KCTD8: variants seen among roughly 807,000 people sequenced by gnomAD.
The protein encoded by KCTD8 is BTB/POZ domain-containing protein KCTD8.
A neutral mutation model predicts 31.5 loss-of-function variants in KCTD8; 27 were observed. That is an observed-to-expected ratio of 0.86 (90% confidence interval 0.63 to 1.18). KCTD8 has a LOEUF of 1.18. Among genes scored for constraint, KCTD8 ranks in the 50% most tolerant of loss-of-function variants. The pLI is 0.00. For synonymous variants in KCTD8, 290 were observed against 280.0 expected, an observed-to-expected ratio of 1.04 and a Z score of -0.36; for missense variants, 658 against 647.7, an observed-to-expected ratio of 1.02 and a Z score of -0.17.
At chr4:44,339,334 A>G (rs780349442) in intron 1 of KCTD8, among the ~76,000 whole-genome samples, 1 of 152,122 alleles carries the variant, frequency 6.6e-6, no homozygotes, top group African/African-American at 2.4e-5. Context: ...TTCCAAACAT[A>G]CTGAGAGCAG....
chr4:44,322,659 G>C (rs528853066), intron 1 of KCTD8, among the ~76,000 whole-genome samples: 69 of 151,946 alleles, frequency 4.5e-4, no homozygotes, highest in Non-Finnish European at 9.0e-4. Context: ...AAAAATCTTT[G>C]CCCAGGCCAA....
intron 1 of KCTD8, among the ~76,000 whole-genome samples, chr4:44,176,188 G>A (rs1235911640): frequency 2.0e-5 from 3 of 152,170 alleles, no homozygotes; most frequent in South Asian, 4.1e-4. Flanking sequence ...TTTTCTTAGA[G>A]TCAAACTTTT....
At chr4:44,301,997 T>C (rs1164819582) in intron 1 of KCTD8, among the ~76,000 whole-genome samples, 1 of 152,182 alleles carries the variant, frequency 6.6e-6, no homozygotes, top group Non-Finnish European at 1.5e-5. Flanking sequence ...TTGCTTGTTT[T>C]GCTCAGCTTT....
chr4:44,368,538 C>A (rs1463399993), intron 1 of KCTD8, among the ~76,000 whole-genome samples: 1 of 152,072 alleles, frequency 6.6e-6, no homozygotes, highest in Admixed American at 6.6e-5. Context: ...TATGAAGAAC[C>A]CTTACAAATG....
At chr4:44,416,985 TCA>T (rs1721090937) in intron 1 of KCTD8, among the ~76,000 whole-genome samples, 1 of 152,200 alleles carries the variant, frequency 6.6e-6, no homozygotes, top group Non-Finnish European at 1.5e-5. Flanking sequence ...ACTTTTACAG[TCA>T]CAATCTTTTT....
rs760060899 is a variant in KCTD8 at position 44,317,228 on chromosome 4, C to CTTTTTTTTTTTTTTTTTTTTTTTTTTTT, written c.961+130334_961+130335insAAAAAAAAAAAAAAAAAAAAAAAAAAAA. Among the ~76,000 whole-genome samples the CTTTTTTTTTTTTTTTTTTTTTTTTTTTT allele has an allele frequency of 3.3e-4, 12 of 36,536 alleles. 3 individuals are homozygous for CTTTTTTTTTTTTTTTTTTTTTTTTTTTT. The highest frequency in any genetic ancestry group is 4.9e-4 in the Admixed American group (1 of 2,038). The allele number at this position is 36,536 out of a possible 152,430, so 24.0% of individuals were successfully genotyped here. On this transcript the variant is annotated intron_variant, in intron 1 of 1. Coordinates refer to ENST00000360029, the MANE Select transcript of KCTD8 (RefSeq NM_198353.3). ...TTTATGTATTGCCTATGGGTGCTTT[C>CTTTTTTTTTTTTTTTTTTTTTTTTTTTT]TTTTTTTTTTTTTTTTTTTTTTGAG...
intron 1 of KCTD8, among the ~76,000 whole-genome samples, chr4:44,415,707 T>C (rs985001673): frequency 2.0e-5 from 3 of 152,216 alleles, no homozygotes; most frequent in Non-Finnish European, 4.4e-5. Flanking sequence ...TTCTACTCGG[T>C]GTTAAGCCTG....
intron 1 of KCTD8, among the ~76,000 whole-genome samples, chr4:44,348,806 T>C (rs566012531): frequency 6.6e-6 from 1 of 152,230 alleles, no homozygotes; most frequent in South Asian, 2.1e-4. Flanking sequence ...CTTGCTGTGT[T>C]CACCCTCCTT....
At chr4:44,436,115 C>T (rs1721637772) in intron 1 of KCTD8, among the ~76,000 whole-genome samples, 1 of 152,096 alleles carries the variant, frequency 6.6e-6, no homozygotes, top group Non-Finnish European at 1.5e-5. Flanking sequence ...ACACCACTCA[C>T]ATCAACTGAT....
intron 1 of KCTD8, among the ~76,000 whole-genome samples, chr4:44,395,949 C>T (rs537874249): frequency 1.8e-4 from 27 of 152,182 alleles, no homozygotes; most frequent in African/African-American, 6.3e-4. Context: ...GATTCAAGTA[C>T]ATTAATTGTA....
At chr4:44,346,452 A>G (rs1050128744) in intron 1 of KCTD8, among the ~76,000 whole-genome samples, 3 of 152,174 alleles carry the variant, frequency 2.0e-5, no homozygotes, top group African/African-American at 7.2e-5. Context: ...TCTCATAGAC[A>G]TTCCTTATAT....
At chr4:44,418,782 G>C (rs1721140503) in intron 1 of KCTD8, among the ~76,000 whole-genome samples, 1 of 152,112 alleles carries the variant, frequency 6.6e-6, no homozygotes, top group African/African-American at 2.4e-5. Flanking sequence ...GGTAAAAACA[G>C]ATACTATGCA....
chr4:44,343,532 C>A (rs1446265331), intron 1 of KCTD8, among the ~76,000 whole-genome samples: 1 of 151,988 alleles, frequency 6.6e-6, no homozygotes, highest in Admixed American at 6.6e-5. Flanking sequence ...GAAGTGAGCA[C>A]CTGCTGTCTG....
At chr4:44,275,870 C>T (rs901964059) in intron 1 of KCTD8, among the ~76,000 whole-genome samples, 4 of 151,946 alleles carry the variant, frequency 2.6e-5, no homozygotes, top group African/African-American at 9.7e-5. Context: ...AATGATGCTG[C>T]CACGTAAAGC....
intron 1 of KCTD8, among the ~76,000 whole-genome samples, chr4:44,248,965 C>A (rs1715748310): frequency 6.6e-6 from 1 of 151,802 alleles, no homozygotes; most frequent in Non-Finnish European, 1.5e-5. Flanking sequence ...CTTCCTAATT[C>A]ACTATCCTCT....
intron 1 of KCTD8, among the ~76,000 whole-genome samples, chr4:44,201,902 G>A (rs1371932930): frequency 6.6e-6 from 1 of 152,094 alleles, no homozygotes; most frequent in African/African-American, 2.4e-5. Flanking sequence ...TCTGACAGAA[G>A]TCTAAAGTCC....
Position 44,272,119 on chromosome 4 carries a change from T to TA in KCTD8, c.962-96870dup, listed in dbSNP as rs1482654300. Among the ~76,000 whole-genome samples, 247 of 113,856 alleles carry TA rather than the reference T, an allele frequency of 2.2e-3. 2 individuals are homozygous for TA. Among genetic ancestry groups the TA allele is most frequent in the African/African-American group, 0.012 (239 of 19,290 alleles). 74.7% of individuals were successfully genotyped at this position (113,856 alleles called of 152,430 possible). On this transcript the variant is annotated intron_variant, in intron 1 of 1. Coordinates refer to ENST00000360029, the MANE Select transcript of KCTD8 (RefSeq NM_198353.3). ...CCATCAATAAATACCCATGGTATTA[T>TA]ATTATATATATATATATATATAAAT...
chr4:44,370,795 A>T, intron 1 of KCTD8, among the ~76,000 whole-genome samples: 1 of 152,146 alleles, frequency 6.6e-6, no homozygotes, highest in East Asian at 1.9e-4. Context: ...TTCCAGCCTC[A>T]ATTCCTAGAA....
chr4:44,263,980 C>T (rs1262006164), intron 1 of KCTD8, among the ~76,000 whole-genome samples: 3 of 152,318 alleles, frequency 2.0e-5, no homozygotes, highest in East Asian at 3.9e-4. Flanking sequence ...TATGTGGTCA[C>T]ATTTGACTGT....
Sources: allele counts gnomAD v4.1 joint callset (sites outside exome capture counted in the v4.1 genomes callset), GRCh38; gene constraint gnomAD v4.1.1; transcripts MANE v1.5; gene names NCBI Gene and HGNC (gene_info 2026-07-23, HGNC 2026-07-21).